The following LRFN5 variants were observed in gnomAD, a reference collection of about 807,000 sequenced individuals.
The protein encoded by LRFN5 is leucine rich repeat and fibronectin type III domain containing 5.
Under a neutral mutation model 45.6 loss-of-function variants are expected in LRFN5, and 24 were observed. The ratio of observed to expected loss-of-function variants is 0.53; its 90% CI spans 0.38 to 0.74. The LOEUF is 0.74. LRFN5 is among the 30% of genes least tolerant of loss of function. The pLI, the probability that LRFN5 is intolerant of heterozygous loss-of-function variation, is 0.00. For missense variants in LRFN5, 776 were observed against 861.5 expected (o/e 0.90, Z 1.24); for synonymous variants, 340 against 313.8 (o/e 1.08, Z -0.88).
chr14:41,659,383 T>C (rs1389898083), intron 1 of LRFN5, among the ~76,000 whole-genome samples: 1 of 152,012 alleles, frequency 6.6e-6, no homozygotes, highest in African/African-American at 2.4e-5. Context: ...ACATGAACTC[T>C]TCCTTTTTTA....
chr14:41,862,990 G>C (rs867061776), intron 2 of LRFN5, among the ~76,000 whole-genome samples: 2 of 149,422 alleles, frequency 1.3e-5, no homozygotes, highest in Non-Finnish European at 3.0e-5. Flanking sequence ...TCAGCCTCCC[G>C]AGTAGGTGGG....
intron 1 of LRFN5, among the ~76,000 whole-genome samples, chr14:41,747,302 A>T (rs557208132): frequency 4.0e-4 from 60 of 151,210 alleles, no homozygotes; most frequent in Admixed American, 8.0e-4. Context: ...AAGTTACAGT[A>T]ATCAAAGGAT....
chr14:41,698,262 C>A (rs1882697695), intron 1 of LRFN5, among the ~76,000 whole-genome samples: 1 of 151,966 alleles, frequency 6.6e-6, no homozygotes, highest in Admixed American at 6.6e-5. Flanking sequence ...TATGATAAAG[C>A]CTTCTTATTA....
intron 2 of LRFN5, among the ~76,000 whole-genome samples, chr14:41,787,120 TATTG>T (rs1886750332): frequency 6.8e-6 from 1 of 148,044 alleles, no homozygotes; most frequent in Non-Finnish European, 1.5e-5. Flanking sequence ...CATTTTCTTC[TATTG>T]ATTGACTTTT....
At chr14:41,899,107 T>C (rs974945063) in intron 5 of LRFN5, 147 bp downstream of exon 5, 5 of 647,576 alleles carry the variant, frequency 7.7e-6, no homozygotes, top group African/African-American at 3.8e-5. Flanking sequence ...ACAGTGAAGA[T>C]TGAAGTTTAG....
chr14:41,689,765 G>A (rs1339242512), intron 1 of LRFN5, among the ~76,000 whole-genome samples: 3 of 150,298 alleles, frequency 2.0e-5, no homozygotes, highest in Non-Finnish European at 4.4e-5. Flanking sequence ...CGTGATGGCG[G>A]GCGCCTGTAG....
At chr14:41,853,828 C>T (rs555173004) in intron 2 of LRFN5, among the ~76,000 whole-genome samples, 1 of 152,044 alleles carries the variant, frequency 6.6e-6, no homozygotes, top group South Asian at 2.1e-4. Context: ...GTTTAGATAC[C>T]AGCTAGAGGA....
chr14:41,875,758 TAG>T (rs1389595837), intron 2 of LRFN5, among the ~76,000 whole-genome samples: 1 of 152,162 alleles, frequency 6.6e-6, no homozygotes, highest in Non-Finnish European at 1.5e-5. Flanking sequence ...TGAAAGAAAA[TAG>T]AGTCTTTAGG....
At chr14:41,623,307 G>A (rs934165346) in intron 1 of LRFN5, among the ~76,000 whole-genome samples, 3 of 152,102 alleles carry the variant, frequency 2.0e-5, no homozygotes, top group African/African-American at 7.2e-5. Context: ...TTGTGAAGCG[G>A]CTGCTTTGCT....
intron 1 of LRFN5, among the ~76,000 whole-genome samples, chr14:41,637,786 A>T (rs1049956958): frequency 2.0e-5 from 3 of 152,092 alleles, no homozygotes; most frequent in African/African-American, 7.2e-5. Flanking sequence ...AGCACCAGGG[A>T]TATGACCGCA....
At chr14:41,728,366 G>A (rs1021074393) in intron 1 of LRFN5, among the ~76,000 whole-genome samples, 16 of 152,078 alleles carry the variant, frequency 1.1e-4, no homozygotes, top group Non-Finnish European at 1.8e-4. Context: ...AAAAGTTTAC[G>A]TGTCTGAGCC....
At chr14:41,846,999 A>C (rs573404509) in intron 2 of LRFN5, among the ~76,000 whole-genome samples, 1 of 152,168 alleles carries the variant, frequency 6.6e-6, no homozygotes, top group Non-Finnish European at 1.5e-5. Flanking sequence ...AGTAACATTC[A>C]TAGATTCCAG....
chr14:41,705,648 T>C (rs1883033217), intron 1 of LRFN5, among the ~76,000 whole-genome samples: 1 of 152,186 alleles, frequency 6.6e-6, no homozygotes, highest in Admixed American at 6.5e-5. Context: ...TCTTTATCCA[T>C]ATCATACTCT....
chr14:41,663,173 T>C (rs1427736339), intron 1 of LRFN5, among the ~76,000 whole-genome samples: 1 of 152,140 alleles, frequency 6.6e-6, no homozygotes, highest in African/African-American at 2.4e-5. Context: ...TGCTAATTTG[T>C]TAGGCCAAGG....
chr14:41,802,911 C>A (rs1457434203), intron 2 of LRFN5, among the ~76,000 whole-genome samples: 1 of 152,098 alleles, frequency 6.6e-6, no homozygotes, highest in African/African-American at 2.4e-5. Context: ...TTACTGAAGA[C>A]AAATTGTAAG....
At chr14:41,734,270 C>T (rs1246495682) in intron 1 of LRFN5, among the ~76,000 whole-genome samples, 5 of 127,738 alleles carry the variant, frequency 3.9e-5, no homozygotes, top group African/African-American at 1.4e-4. Context: ...CTCAGCCTCC[C>T]AAAGTACTGG....
intron 2 of LRFN5, among the ~76,000 whole-genome samples, chr14:41,815,995 A>G (rs548560998): frequency 2.8e-4 from 42 of 152,164 alleles, no homozygotes; most frequent in Middle Eastern, 3.4e-3. Flanking sequence ...AGTTTTCTCT[A>G]GAGTGTGCGA....
intron 1 of LRFN5, among the ~76,000 whole-genome samples, chr14:41,657,030 A>G (rs1263152389): frequency 6.6e-6 from 1 of 151,900 alleles, no homozygotes; most frequent in Admixed American, 6.6e-5. Flanking sequence ...TTCCTAATAT[A>G]TAGAAAAGGG....
chr14:41,852,219 A>T (rs1889292381), intron 2 of LRFN5, among the ~76,000 whole-genome samples: 2 of 151,948 alleles, frequency 1.3e-5, no homozygotes, highest in African/African-American at 4.8e-5. Flanking sequence ...AGATCAAATT[A>T]TGTTAATTCA....
Sources: gnomAD v4.1 joint callset for allele counts (sites outside exome capture counted in the v4.1 genomes callset) on GRCh38, gnomAD v4.1.1 for gene constraint, MANE v1.5 for transcripts, NCBI Gene and HGNC (gene_info 2026-07-23, HGNC 2026-07-21) for gene names.